IFI16: variants seen among roughly 807,000 people sequenced by gnomAD.
IFI16 encodes interferon gamma inducible protein 16, also known as gamma-interferon-inducible protein 16.
In IFI16, 49 loss-of-function variants were observed where a neutral mutation model predicts 68.4. That is an observed-to-expected ratio of 0.72 (90% CI 0.57 to 0.91). The LOEUF is 0.91. IFI16 is among the 40% of genes least tolerant of loss of function. IFI16 has a pLI of 0.00. For synonymous variants in IFI16, 307 were observed against 315.0 expected (o/e 0.97, Z 0.27); for missense variants, 878 against 942.9 (o/e 0.93, Z 0.90).
intron 6 of IFI16, among the ~76,000 whole-genome samples, chr1:159,030,601 T>C (rs944938239): frequency 2.0e-5 from 3 of 152,168 alleles, no homozygotes; most frequent in Admixed American, 6.5e-5. Context: ...TCCAGGCTGG[T>C]ACTGGGTAGT....
intron 7 of IFI16, among the ~76,000 whole-genome samples, chr1:159,041,850 C>A (rs1654666315): frequency 6.6e-6 from 1 of 152,134 alleles, no homozygotes; most frequent in African/African-American, 2.4e-5. Flanking sequence ...ATATGGAGCC[C>A]ATACCTACTC....
At chr1:159,027,082 G>A (rs1024035460) in intron 6 of IFI16, among the ~76,000 whole-genome samples, 3 of 152,152 alleles carry the variant, frequency 2.0e-5, no homozygotes, top group Non-Finnish European at 2.9e-5. Flanking sequence ...AGTGGTGAGA[G>A]TAGGCATCCT....
chr1:159,023,116 AT>A (rs59615624), intron 6 of IFI16, among the ~76,000 whole-genome samples: 7,540 of 150,340 alleles, frequency 0.05, 638 homozygotes, highest in African/African-American at 0.17. Flanking sequence ...TTGAAGTTAA[AT>A]TTTTTTTTTA....
At chr1:159,043,121 TG>T (rs1654770234) in intron 7 of IFI16, among the ~76,000 whole-genome samples, 1 of 152,212 alleles carries the variant, frequency 6.6e-6, no homozygotes, top group South Asian at 2.1e-4. Context: ...GTCATTTTTT[TG>T]GTTATTAATT....
intron 7 of IFI16, among the ~76,000 whole-genome samples, chr1:159,041,689 G>C (rs774765446): frequency 6.6e-6 from 1 of 152,144 alleles, no homozygotes. Context: ...AGAAACTTCA[G>C]TCATCTGAAT....
chr1:159,015,065 C>CTGT, intron 2 of IFI16, 120 bp downstream of exon 2: 3 of 957,278 alleles, frequency 3.1e-6, no homozygotes, highest in Non-Finnish European at 4.8e-6. Flanking sequence ...GACTCAACAG[C>CTGT]TGAGACAATG....
In IFI16 at chr1:159,024,187, C is replaced by T. The variant is rs184387669; in HGVS notation, c.1161+3658C>T. On this transcript the variant is annotated intron_variant, in intron 6 of 11. Transcript: ENST00000295809. Reference sequence around the variant, plus strand: ...TTTTGTCTTAATGGCTAAGGTCTGTCTTAGATGTCTTATTTTTACAATAGA... The same window carrying T: ...TTTTGTCTTAATGGCTAAGGTCTGTTTTAGATGTCTTATTTTTACAATAGA... Among the ~76,000 whole-genome samples the T allele has an allele frequency of 6.7e-3, 1,023 of 152,244 alleles. 7 individuals are homozygous for T. The highest frequency in any genetic ancestry group is 0.01 in the Non-Finnish European group (710 of 68,016).
At chr1:159,047,268 A>T (rs1405606234) in intron 8 of IFI16, among the ~76,000 whole-genome samples, 1 of 151,044 alleles carries the variant, frequency 6.6e-6, no homozygotes, top group Non-Finnish European at 1.5e-5. Context: ...TTTTTTAGAC[A>T]GTCTTTTTTT....
intron 1 of IFI16, chr1:159,000,474 T>A (rs1652014332): frequency 6.5e-6 from 1 of 153,564 alleles, no homozygotes; most frequent in Non-Finnish European, 1.5e-5. Context: ...ATATAAGAAA[T>A]AACTTTTTAA....
chr1:159,018,446 A>C lies in IFI16; in HGVS notation c.767A>C (p.Lys256Thr), dbSNP rs760466448. 3 of 1,613,770 alleles carry C rather than the reference A, an allele frequency of 1.9e-6. No individual in the cohort carries two copies. Among genetic ancestry groups the C allele is most frequent in the Non-Finnish European group, 1.7e-6 (2 of 1,179,618 alleles). The change falls in exon 5 of 12, where the codon AAG (lysine) becomes ACG (threonine). Residue 256 changes from lysine (K) to threonine (T), a missense_variant. Coordinates refer to ENST00000295809, the MANE Select transcript of IFI16 (RefSeq NM_001376587.1). ...NTSLKEKFNG[K>T]KIIIISDYLE... ...AGCTTGAAGGAGAAATTCAATGGAA[A>C]GAAAATCATCATCATATCAGATTAT...
At chr1:159,046,288 A>G (rs113452460) in intron 8 of IFI16, among the ~76,000 whole-genome samples, 7,170 of 151,222 alleles carry the variant, frequency 0.047, 503 homozygotes, top group Non-Finnish European at 0.075. Context: ...TCAGGGTACT[A>G]ATGTCATGGC....
intron 7 of IFI16, among the ~76,000 whole-genome samples, chr1:159,043,990 G>T (rs1340279061): frequency 6.6e-6 from 1 of 152,026 alleles, no homozygotes; most frequent in Non-Finnish European, 1.5e-5. Context: ...CATCAACAAG[G>T]GCATCATAAA....
rs575232990 is a variant in IFI16 at position 159,047,489 on chromosome 1, C to G, written c.1498-1943C>G. Among the ~76,000 whole-genome samples the G allele has an allele frequency of 4.6e-4, 68 of 148,534 alleles. 1 individual carries two copies. The highest frequency in any genetic ancestry group is 1.6e-3 in the African/African-American group (64 of 40,622). ...GACATCATAAGACAACTACTCTGTC[C>G]ATGCATACTGGCTTGGAAGTGACAC... On this transcript the variant is annotated intron_variant, in intron 8 of 11. Transcript: ENST00000295809.
chr1:159,007,303 C>A (rs1294776618), upstream of IFI16, among the ~76,000 whole-genome samples: 2 of 152,182 alleles, frequency 1.3e-5, no homozygotes, highest in Admixed American at 6.5e-5. Flanking sequence ...AGAACCCAAA[C>A]AATGCCCTTG....
In IFI16 at chr1:159,051,054, T is replaced by A. The variant is rs73023727; in HGVS notation, c.1666-625T>A. Reference sequence around the variant, plus strand: ...GCTAGTAATATGATTTTTTTCTCTATTTTTATTTTATTTGGTCACTGTCAT... The same window carrying A: ...GCTAGTAATATGATTTTTTTCTCTAATTTTATTTTATTTGGTCACTGTCAT... On this transcript the variant is annotated intron_variant, in intron 9 of 11. Transcript: ENST00000295809. Among the ~76,000 whole-genome samples the A allele has an allele frequency of 9.8e-3, 1,491 of 152,286 alleles. 18 individuals carry two copies. Among genetic ancestry groups the A allele is most frequent in the African/African-American group, 0.034 (1,416 of 41,542 alleles).
chr1:159,011,832 G>A (rs1057263768), intron 1 of IFI16, among the ~76,000 whole-genome samples: 1 of 151,988 alleles, frequency 6.6e-6, no homozygotes, highest in Non-Finnish European at 1.5e-5. Context: ...TTTGATGAAA[G>A]TTGTCACTTA....
exon 1 of IFI16, chr1:159,000,271 C>A: frequency 7.8e-6 from 2 of 256,438 alleles, no homozygotes; most frequent in South Asian, 1.5e-4. Context: ...TGATGTTATC[C>A]AGGCTGGTTA....
upstream of IFI16, among the ~76,000 whole-genome samples, chr1:159,006,840 A>G (rs939870871): frequency 4.6e-5 from 7 of 152,170 alleles, no homozygotes; most frequent in Non-Finnish European, 7.3e-5. Context: ...CAAACAAACA[A>G]AAAGACCAAG....
At position 159,014,774 on chromosome 1, in the gene IFI16, G is replaced by T; in HGVS notation, c.94G>T (p.Asp32Tyr). The change falls in exon 2 of 12, where the codon GAT becomes TAT. Residue 32 changes from aspartate to tyrosine, a missense_variant. Asp to Tyr is a radical substitution (Grantham distance 160). This residue lies in a region of IFI16 where 65 missense variants were observed against 96.9 expected (regional missense o/e 0.67). Coordinates refer to ENST00000295809, the MANE Select transcript of IFI16 (RefSeq NM_001376587.1). ...AATGGTTAAGTCCTTACTGAGCAAC[G>T]ATTTAAAACTTAATTTAAAAATGAG... ...FRMVKSLLSN[D>Y]LKLNLKMREE... 6.2e-7 allele frequency: 1 copy of T among 1,612,908 alleles called. No individual in the cohort carries two copies. The highest frequency in any genetic ancestry group is 8.5e-7 in the Non-Finnish European group (1 of 1,178,926).
Sources: allele counts gnomAD v4.1 joint callset (sites outside exome capture counted in the v4.1 genomes callset), GRCh38; gene constraint gnomAD v4.1.1; regional missense constraint gnomAD v4.1.1; transcripts MANE v1.5; gene names NCBI Gene and HGNC (gene_info 2026-07-23, HGNC 2026-07-21).